The following TIMM23B variants were observed in gnomAD, a reference collection of about 807,000 sequenced individuals.
TIMM23B encodes mitochondrial import inner membrane translocase subunit Tim23B.
TIMM23B carries 27 observed loss-of-function variants against 27.3 expected under a neutral mutation model. The ratio of observed to expected loss-of-function variants is 0.99; its 90% CI spans 0.73 to 1.36. The LOEUF is 1.36. Among genes scored for constraint, TIMM23B ranks in the 40% most tolerant of loss-of-function variants. TIMM23B has a pLI of 0.00. For missense variants in TIMM23B, 205 were observed against 244.2 expected, an observed-to-expected ratio of 0.84 and a Z score of 1.07; for synonymous variants, 73 against 92.4, an observed-to-expected ratio of 0.79 and a Z score of 1.21.
At chr10:49,969,866 A>G (rs1288970862) in intron 6 of TIMM23B, among the ~76,000 whole-genome samples, 1 of 151,830 alleles carries the variant, frequency 6.6e-6, no homozygotes, top group Non-Finnish European at 1.5e-5. Context: ...TACTGCTGCC[A>G]TCTCGGCTCA....
chr10:49,966,231 C>T (rs1360319428), intron 6 of TIMM23B, among the ~76,000 whole-genome samples: 3 of 150,542 alleles, frequency 2.0e-5, no homozygotes, highest in South Asian at 2.1e-4. Context: ...ATGCCAGGTG[C>T]GGTGGCGCAC....
chr10:49,943,131 AAAAAAAT>A (rs1839210817), intron 1 of TIMM23B: 1 of 152,212 alleles, frequency 6.6e-6, no homozygotes, highest in Admixed American at 6.5e-5. Context: ...ACTCTAGTGC[AAAAAAAT>A]ATAAAAGACC....
At chr10:49,942,758 C>T (rs1839182440) in intron 1 of TIMM23B, among the ~76,000 whole-genome samples, 1 of 152,096 alleles carries the variant, frequency 6.6e-6, no homozygotes, top group Non-Finnish European at 1.5e-5. Flanking sequence ...ATAAATATGA[C>T]TTGGGACAGG....
chr10:49,952,161 T>G lies in TIMM23B; in HGVS notation c.201T>G (p.Asn67Lys). Residue 67 changes from asparagine to lysine, a missense_variant, in exon 3 of 7, where the codon AAT (asparagine) becomes AAG (lysine). Transcript: ENST00000651259. ...AGTTCATTTTACCTACCGGAGCTAATAAAACCTGGGGCAGATTTGAGCTGG... is the reference window on the plus strand; with the variant it reads ...AGTTCATTTTACCTACCGGAGCTAAGAAAACCTGGGGCAGATTTGAGCTGG... ...TDEFILPTGA[N>K]KTWGRFELAF... The G allele has an allele frequency of 6.2e-7, 1 of 1,604,768 alleles. No individual in the cohort carries two copies. Among genetic ancestry groups the G allele is most frequent in the South Asian group, 1.1e-5 (1 of 90,898 alleles).
chr10:49,958,961 T>C (rs1839811441), intron 6 of TIMM23B, among the ~76,000 whole-genome samples: 1 of 152,240 alleles, frequency 6.6e-6, no homozygotes, highest in African/African-American at 2.4e-5. Flanking sequence ...AGCTAAATAA[T>C]ATTCATTCTG....
At chr10:49,961,370 T>A (rs1839894199) in intron 6 of TIMM23B, among the ~76,000 whole-genome samples, 1 of 119,836 alleles carries the variant, frequency 8.3e-6, no homozygotes, top group Non-Finnish European at 1.7e-5. Flanking sequence ...GCAATAAGAG[T>A]GAAACTCTGT....
chr10:49,959,333 C>T (rs1445641840), intron 6 of TIMM23B, among the ~76,000 whole-genome samples: 1 of 152,138 alleles, frequency 6.6e-6, no homozygotes, highest in Non-Finnish European at 1.5e-5. Flanking sequence ...CACACAAGGT[C>T]GAAGCCCAGG....
intron 2 of TIMM23B, among the ~76,000 whole-genome samples, chr10:49,948,195 C>T (rs1839413590): frequency 6.6e-6 from 1 of 152,110 alleles, no homozygotes; most frequent in African/African-American, 2.4e-5. Flanking sequence ...CCACGGGGAT[C>T]ACTATAATCA....
rs1395279406 is a variant in TIMM23B, at chr10:49,963,381, T to C, written c.514+4901T>C. ...TAATGAATTGCCAGGTGAAATGAAA[T>C]GAAATGATGAAATGAATAATGAAAT... On this transcript the variant is annotated intron_variant, in intron 6 of 6. Transcript: ENST00000651259. 2.6e-5 allele frequency among the ~76,000 whole-genome samples: 4 copies of C among 151,740 alleles called. No homozygotes were observed. In the East Asian group the frequency reaches 7.8e-4, roughly 29 times the overall value.
intron 6 of TIMM23B, among the ~76,000 whole-genome samples, chr10:49,971,698 G>A (rs1840458033): frequency 6.6e-6 from 1 of 152,158 alleles, no homozygotes; most frequent in Admixed American, 6.5e-5. Flanking sequence ...CCATCAGTGG[G>A]GAGGAGCTAT....
chr10:49,942,604 C>T (rs1839162427), intron 1 of TIMM23B, among the ~76,000 whole-genome samples: 4 of 152,204 alleles, frequency 2.6e-5, no homozygotes, highest in Admixed American at 1.3e-4. Flanking sequence ...TGTGATTGAC[C>T]CTTAAGAGTA....
intron 5 of TIMM23B, among the ~76,000 whole-genome samples, 178 bp downstream of exon 5, chr10:49,955,238 A>G (rs1839676394): frequency 6.6e-6 from 1 of 152,230 alleles, no homozygotes; most frequent in African/African-American, 2.4e-5. Flanking sequence ...AACTTATGAA[A>G]TAATCTCAGG....
At position 49,944,543 on chromosome 10, in the gene TIMM23B, C is replaced by T. The variant is rs1839293929; in HGVS notation, c.107-489C>T. On this transcript the variant is annotated intron_variant, in intron 1 of 6. Coordinates refer to ENST00000651259, the MANE Select transcript of TIMM23B (RefSeq NM_001290117.2). ...AATGACCCAAGGATTCTCAACCTTGCCACAGTAAATCAATCGTTAATAGTA... is the reference window on the plus strand; with the variant it reads ...AATGACCCAAGGATTCTCAACCTTGTCACAGTAAATCAATCGTTAATAGTA... 1.1e-4 allele frequency among the ~76,000 whole-genome samples: 17 copies of T among 151,994 alleles called. 1 individual carries two copies. The South Asian group carries it at 3.5e-3, about 32-fold the overall frequency.
At position 49,942,301 on chromosome 10, in the gene TIMM23B, G is replaced by T; in HGVS notation, c.106+1G>T. 2.5e-6 allele frequency: 4 copies of T among 1,608,712 alleles called. No individual in the cohort carries two copies. Among genetic ancestry groups the T allele is most frequent in the East Asian group, 2.2e-5 (1 of 44,646 alleles). On this transcript the variant is annotated splice_donor_variant, in intron 1 of 6. Transcript: ENST00000651259. LOFTEE classifies it high-confidence loss of function. ...CACGCGGATTTGGCTGGCGTCCCGC[G>T]TAAGTATGGGGCCTAGCTTGCGATT... is the stretch of plus-strand genomic sequence containing the variant.
rs1839666133 is a variant in TIMM23B at position 49,954,963 on chromosome 10, G to T, written c.345-39G>T. On this transcript the variant is annotated intron_variant, in intron 4 of 6. Transcript: ENST00000651259. ...TTTTAAAGATTACTAGAGAAATAAT[G>T]ATTCTAAATACAGATTCTTTCTCTT... 127 of 1,609,946 alleles carry T rather than the reference G, an allele frequency of 7.9e-5. 1 individual carries two copies. The South Asian group carries it at 1.3e-3, about 16-fold the overall frequency.
In TIMM23B at chr10:49,945,079, T is replaced by A. The variant is rs1839313894; in HGVS notation, c.154T>A (p.Tyr52Asn). The change falls in exon 2 of 7, where the codon TAC becomes AAC. Residue 52 changes from tyrosine to asparagine, a missense_variant. Transcript: ENST00000651259. Reference protein sequence around the residue: ...LCPYLNVDPRYLVQDTDEFIL... With the variant: ...LCPYLNVDPRNLVQDTDEFIL... Reference sequence around the variant, plus strand: ...TCCTTATTTAAATGTGGATCCACGATACCTCGTGCAGGTAAGACTAAGATT... The same window carrying A: ...TCCTTATTTAAATGTGGATCCACGAAACCTCGTGCAGGTAAGACTAAGATT... The A allele has an allele frequency of 2.5e-6, 4 of 1,598,964 alleles. No homozygotes were observed. The highest frequency in any genetic ancestry group is 3.4e-6 in the Non-Finnish European group (4 of 1,168,326).
At chr10:49,944,091 G>A (rs1358731427) in intron 1 of TIMM23B, among the ~76,000 whole-genome samples, 1 of 152,212 alleles carries the variant, frequency 6.6e-6, no homozygotes, top group Non-Finnish European at 1.5e-5. Flanking sequence ...AAGGGAGTTG[G>A]ATCAATTGAA....
intron 5 of TIMM23B, among the ~76,000 whole-genome samples, chr10:49,956,002 A>G (rs1330497029): frequency 6.6e-6 from 1 of 152,076 alleles, no homozygotes; most frequent in African/African-American, 2.4e-5. Context: ...TTTCAGAGAA[A>G]AGTCCAAGAA....
rs2133069737 is a variant in TIMM23B, at chr10:49,954,968, T to C, written c.345-34T>C. 4 of 1,610,916 alleles carry C rather than the reference T, an allele frequency of 2.5e-6. No individual in the cohort carries two copies. In the African/African-American group the frequency reaches 5.3e-5, roughly 21 times the overall value. ...AAGATTACTAGAGAAATAATGATTC[T>C]AAATACAGATTCTTTCTCTTTCTGC... On this transcript the variant is annotated intron_variant, in intron 4 of 6. Coordinates refer to ENST00000651259, the MANE Select transcript of TIMM23B (RefSeq NM_001290117.2).
Sources: gnomAD v4.1 joint callset for allele counts (sites outside exome capture counted in the v4.1 genomes callset) on GRCh38, gnomAD v4.1.1 for gene constraint, MANE v1.5 for transcripts, NCBI Gene and HGNC (gene_info 2026-07-23, HGNC 2026-07-21) for gene names.